OTOGL: variants seen among roughly 807,000 people sequenced by gnomAD.
OTOGL encodes otogelin like.
A neutral mutation model predicts 318.5 loss-of-function variants in OTOGL; 285 were observed. The ratio of observed to expected loss-of-function variants is 0.89; its 90% confidence interval spans 0.81 to 0.99. The LOEUF is 0.99. OTOGL is among the 50% of genes least tolerant of loss of function. OTOGL has a pLI of 0.00. For synonymous variants in OTOGL, 987 were observed against 936.5 expected (o/e 1.05, Z -0.99); for missense variants, 2,899 against 2,845.6 (o/e 1.02, Z -0.43).
In OTOGL at chr12:80,379,608, T is replaced by A. The variant is rs1891358529; in HGVS notation, c.*1560T>A. On this transcript the variant is annotated 3_prime_UTR_variant, in exon 59 of 59. Transcript: ENST00000547103. ...ATATATAAAATTAAATGTTTTTGGT[T>A]AAAATATATTAATATTTCACTTAAG... 1 of 151,690 alleles carries A rather than the reference T, an allele frequency of 6.6e-6. No individual in the cohort carries two copies. The highest frequency in any genetic ancestry group is 1.5e-5 in the Non-Finnish European group (1 of 67,822). The allele number at this position is 151,690 out of a possible 1,614,324, so 9.4% of individuals were successfully genotyped here. A position where few individuals can be genotyped will look rare whatever the true frequency, so the allele number is the denominator to read the frequency against.
chr12:80,147,581 C>T (rs1461325581), intron 1 of OTOGL, among the ~76,000 whole-genome samples: 1 of 151,906 alleles, frequency 6.6e-6, no homozygotes, highest in Non-Finnish European at 1.5e-5. Flanking sequence ...CTGCTTGGTG[C>T]AGAGCTGAGT....
At chr12:80,157,670 T>C (rs897717155) in intron 1 of OTOGL, among the ~76,000 whole-genome samples, 6 of 152,316 alleles carry the variant, frequency 3.9e-5, no homozygotes, top group South Asian at 2.1e-4. Flanking sequence ...CAGCACCATT[T>C]ATTGAAGAGA....
At chr12:80,136,759 C>T (rs1871597631) in intron 1 of OTOGL, among the ~76,000 whole-genome samples, 1 of 152,154 alleles carries the variant, frequency 6.6e-6, no homozygotes, top group African/African-American at 2.4e-5. Flanking sequence ...TCCAACCCTT[C>T]CAGCTATCTC....
At position 80,161,241 on chromosome 12, in the gene OTOGL, T is replaced by A. The variant is rs753987516; in HGVS notation, c.-19-48172T>A. Reference sequence around the variant, plus strand: ...CCCAAAACCTGTGGAAATAAAAAAATTTTTAAAAAGAGAAAGGTATAAATA... The same window carrying A: ...CCCAAAACCTGTGGAAATAAAAAAAATTTTAAAAAGAGAAAGGTATAAATA... On this transcript the variant is annotated intron_variant, in intron 1 of 58. Coordinates refer to ENST00000547103, the MANE Select transcript of OTOGL (RefSeq NM_001378609.3). Among the ~76,000 whole-genome samples the A allele has an allele frequency of 4.6e-5, 7 of 151,548 alleles. No individual in the cohort carries two copies. In the South Asian group the frequency reaches 6.3e-4, roughly 14 times the overall value.
At chr12:80,328,274 G>A (rs562602215) in intron 35 of OTOGL, among the ~76,000 whole-genome samples, 13 of 152,046 alleles carry the variant, frequency 8.6e-5, no homozygotes, top group East Asian at 3.9e-4. Context: ...AACCAAGGTC[G>A]CGTCACTACA....
At chr12:80,340,477 C>G (rs1355122343) in intron 43 of OTOGL, among the ~76,000 whole-genome samples, 1 of 152,068 alleles carries the variant, frequency 6.6e-6, no homozygotes, top group Non-Finnish European at 1.5e-5. Context: ...TAACTTATCA[C>G]TTTTGAAGGG....
Position 80,239,055 on chromosome 12 carries a change from T to G in OTOGL, c.945+77T>G. On this transcript the variant is annotated intron_variant, in intron 10 of 58. Transcript: ENST00000547103. ...TTATTTGTATAATTAACTAAGCATTTTTTAGTGTAAACACAACATAATTTA... is the reference window on the plus strand; with the variant it reads ...TTATTTGTATAATTAACTAAGCATTGTTTAGTGTAAACACAACATAATTTA... 3.6e-6 allele frequency: 5 copies of G among 1,405,296 alleles called. 1 individual carries two copies. In the South Asian group the frequency reaches 7.9e-5, roughly 22 times the overall value. 87.1% of individuals were successfully genotyped at this position (1,405,296 alleles called of 1,614,324 possible).
At chr12:80,180,058 A>G (rs1036473980) in intron 1 of OTOGL, among the ~76,000 whole-genome samples, 2 of 152,226 alleles carry the variant, frequency 1.3e-5, no homozygotes, top group African/African-American at 4.8e-5. Context: ...TACAAGTGCT[A>G]TTACTATTTT....
intron 1 of OTOGL, among the ~76,000 whole-genome samples, chr12:80,169,814 C>T (rs1196170858): frequency 1.3e-5 from 2 of 152,174 alleles, no homozygotes; most frequent in Non-Finnish European, 2.9e-5. Flanking sequence ...CTTAGCAGGA[C>T]ACATCTGTCC....
chr12:80,221,681 T>C (rs965054666), intron 6 of OTOGL, among the ~76,000 whole-genome samples: 6 of 69,526 alleles, frequency 8.6e-5, no homozygotes, highest in African/African-American at 1.9e-4. Context: ...TAAAAAGACG[T>C]TTTTGAAAGA....
At chr12:80,267,445 A>T in intron 22 of OTOGL, 118 bp downstream of exon 22, 2 of 403,108 alleles carry the variant, frequency 5.0e-6, no homozygotes, top group Non-Finnish European at 7.2e-6. Context: ...GTATATGTGT[A>T]CAACGTGCAG....
At position 80,302,633 on chromosome 12, in the gene OTOGL, G is replaced by T; in HGVS notation, c.3064-1G>T. The T allele has an allele frequency of 7.4e-7, 1 of 1,347,178 alleles. No individual in the cohort carries two copies. Among genetic ancestry groups the T allele is most frequent in the Non-Finnish European group, 9.6e-7 (1 of 1,045,950 alleles). The allele number at this position is 1,347,178 out of a possible 1,614,324, so 83.5% of individuals were successfully genotyped here. ...TGTTTATTTTCTTTTTTGTTTTTAA[G>T]AAACAATCAGGTTTTTTTCTGGAAA... On this transcript the variant is annotated splice_acceptor_variant, in intron 27 of 58. Transcript: ENST00000547103. LOFTEE classifies it high-confidence loss of function.
intron 22 of OTOGL, among the ~76,000 whole-genome samples, chr12:80,269,517 C>G (rs1008013505): frequency 6.6e-6 from 1 of 152,186 alleles, no homozygotes; most frequent in African/African-American, 2.4e-5. Flanking sequence ...GAGCTAGCCT[C>G]TGCCTCTTTT....
chr12:80,269,734 T>G (rs1011040473), intron 22 of OTOGL, among the ~76,000 whole-genome samples: 1 of 152,196 alleles, frequency 6.6e-6, no homozygotes, highest in African/African-American at 2.4e-5. Context: ...AAAACATTTT[T>G]TCTTTGTTTT....
intron 38 of OTOGL, among the ~76,000 whole-genome samples, chr12:80,333,715 G>A (rs376103650): frequency 6.6e-6 from 1 of 152,042 alleles, no homozygotes; most frequent in Non-Finnish European, 1.5e-5. Context: ...TGCTGGTCAG[G>A]AGAAAAATAA....
rs374771287 is a variant in OTOGL at position 80,319,146 on chromosome 12, C to G, written c.3802+433C>G. On this transcript the variant is annotated intron_variant, in intron 33 of 58. Coordinates refer to ENST00000547103, the MANE Select transcript of OTOGL (RefSeq NM_001378609.3). ...GAGTGTAGACAGTCATTGTGACAGT[C>G]TGTTATTCTGTTATCCTTACCTGCC... Among the ~76,000 whole-genome samples, 39 of 152,122 alleles carry G rather than the reference C, an allele frequency of 2.6e-4. No individual in the cohort carries two copies. In the East Asian group the frequency reaches 3.5e-3, roughly 14 times the overall value.
chr12:80,268,104 TC>T (rs764599451), intron 22 of OTOGL, among the ~76,000 whole-genome samples: 3 of 152,294 alleles, frequency 2.0e-5, no homozygotes, highest in Admixed American at 2.0e-4. Context: ...TTATAAATTT[TC>T]TGTTGAAAAT....
intron 45 of OTOGL, among the ~76,000 whole-genome samples, chr12:80,352,879 ATTTCT>A (rs1314634213): frequency 1.3e-5 from 2 of 152,186 alleles, no homozygotes; most frequent in Non-Finnish European, 1.5e-5. Flanking sequence ...ACCAATAGTA[ATTTCT>A]TTTGACAGTG....
In OTOGL at chr12:80,117,625, T is replaced by G. The variant is rs372069048; in HGVS notation, c.-20+18020T>G. On this transcript the variant is annotated intron_variant, in intron 1 of 58. Transcript: ENST00000547103. The stretch of plus-strand genomic sequence containing the variant: ...TTAAAGCATCTGATCCTATTTTTTC[T>G]TCTTCAAAACATCATTCACTTCCAA... 7.9e-5 allele frequency among the ~76,000 whole-genome samples: 12 copies of G among 152,352 alleles called. No homozygotes were observed. The East Asian group carries it at 1.5e-3, about 20-fold the overall frequency.
Sources: gnomAD v4.1 joint callset for allele counts (sites outside exome capture counted in the v4.1 genomes callset) on GRCh38, gnomAD v4.1.1 for gene constraint, MANE v1.5 for transcripts, NCBI Gene and HGNC (gene_info 2026-07-23, HGNC 2026-07-21) for gene names.